KCND2: variants seen among roughly 807,000 people sequenced by gnomAD.
KCND2 encodes the protein potassium voltage-gated channel subfamily D member 2.
Under a neutral mutation model 54.4 loss-of-function variants are expected in KCND2, and 16 were observed. The observed-to-expected ratio is 0.29, with a 90% CI of 0.20 to 0.45. The LOEUF is 0.45. Among genes scored for constraint, KCND2 ranks in the 20% least tolerant of loss-of-function variants. The pLI, the probability that KCND2 is intolerant of heterozygous loss-of-function variation, is 1.00. For synonymous variants in KCND2, 317 were observed against 310.7 expected (o/e 1.02, Z -0.21); for missense variants, 486 against 824.2 (o/e 0.59, Z 5.02).
chr7:120,727,915 C>G (rs913350160), intron 1 of KCND2, among the ~76,000 whole-genome samples: 5 of 151,960 alleles, frequency 3.3e-5, no homozygotes, highest in African/African-American at 7.2e-5. Flanking sequence ...GACGGTGGAT[C>G]ACAAAGTCAG....
chr7:120,333,213 C>G (rs1370961363), intron 1 of KCND2, among the ~76,000 whole-genome samples: 5 of 152,038 alleles, frequency 3.3e-5, no homozygotes, highest in Non-Finnish European at 7.4e-5. Context: ...AAAGGGGGTT[C>G]AAGTTATTCC....
At chr7:120,673,211 T>G (rs141326930) in intron 1 of KCND2, among the ~76,000 whole-genome samples, 117 of 152,236 alleles carry the variant, frequency 7.7e-4, no homozygotes, top group African/African-American at 2.6e-3. Context: ...CAATTACTAT[T>G]GTTTAAACCA....
intron 1 of KCND2, among the ~76,000 whole-genome samples, chr7:120,511,544 TA>T: frequency 6.6e-6 from 1 of 152,260 alleles, no homozygotes; most frequent in Non-Finnish European, 1.5e-5. Flanking sequence ...TAATTGTTTT[TA>T]TTCTTTGGTG....
intron 1 of KCND2, among the ~76,000 whole-genome samples, chr7:120,717,331 CAGA>C (rs777957368): frequency 6.6e-6 from 1 of 152,080 alleles, no homozygotes; most frequent in Non-Finnish European, 1.5e-5. Flanking sequence ...ATACGCAGGA[CAGA>C]AGGTTAATTC....
chr7:120,741,397 T>G, intron 2 of KCND2, 137 bp from the exon 3 acceptor site: 1 of 685,284 alleles, frequency 1.5e-6, no homozygotes, highest in Non-Finnish European at 2.7e-6. Flanking sequence ...GAGAGGTAAT[T>G]TTCAATAGTT....
chr7:120,467,984 C>T (rs553748294), intron 1 of KCND2, among the ~76,000 whole-genome samples: 17 of 152,158 alleles, frequency 1.1e-4, no homozygotes, highest in African/African-American at 4.1e-4. Flanking sequence ...ACGAAGTTCA[C>T]TGTTAACATT....
intron 1 of KCND2, among the ~76,000 whole-genome samples, chr7:120,288,493 A>T (rs1799382214): frequency 6.6e-6 from 1 of 152,116 alleles, no homozygotes; most frequent in Non-Finnish European, 1.5e-5. Flanking sequence ...GGGGAGTTTT[A>T]TGTAAAAATC....
chr7:120,311,597 G>C (rs1014310971), intron 1 of KCND2, among the ~76,000 whole-genome samples: 3 of 152,028 alleles, frequency 2.0e-5, no homozygotes, highest in Admixed American at 2.0e-4. Flanking sequence ...TTAAGTTCAG[G>C]GGTACGTGTG....
chr7:120,537,046 A>G (rs369766309), intron 1 of KCND2, among the ~76,000 whole-genome samples: 1 of 152,202 alleles, frequency 6.6e-6, no homozygotes, highest in African/African-American at 2.4e-5. Context: ...TGATTTTGCC[A>G]GATTCATCAG....
chr7:120,568,097 A>T (rs1584831870), intron 1 of KCND2, among the ~76,000 whole-genome samples: 1 of 152,126 alleles, frequency 6.6e-6, no homozygotes, highest in Admixed American at 6.6e-5. Flanking sequence ...AAGAACACTT[A>T]AATAAGCCTT....
intron 1 of KCND2, among the ~76,000 whole-genome samples, chr7:120,281,880 A>G (rs1195026135): frequency 6.6e-6 from 1 of 152,168 alleles, no homozygotes; most frequent in East Asian, 1.9e-4. Flanking sequence ...GCTTTGTTCA[A>G]TGTTAAAAGT....
In KCND2 at chr7:120,593,782, C is replaced by G. The variant is rs1170718412; in HGVS notation, c.1116-139121C>G. On this transcript the variant is annotated intron_variant, in intron 1 of 5. Coordinates refer to ENST00000331113, the MANE Select transcript of KCND2 (RefSeq NM_012281.3). ...AGAGCAAAGGGTAGTTCTCTAATCC[C>G]TTACCCACTTCATTAGAAGGAAATC... 8.5e-5 allele frequency among the ~76,000 whole-genome samples: 13 copies of G among 152,056 alleles called. No individual in the cohort carries two copies. The East Asian group carries it at 2.5e-3, about 29-fold the overall frequency.
chr7:120,305,321 G>A (rs543475617), intron 1 of KCND2, among the ~76,000 whole-genome samples: 1 of 152,178 alleles, frequency 6.6e-6, no homozygotes, highest in Admixed American at 6.6e-5. Context: ...TGTGGGCCTA[G>A]CTATGTTGCT....
intron 1 of KCND2, among the ~76,000 whole-genome samples, chr7:120,591,625 T>C (rs1792672730): frequency 6.6e-6 from 1 of 152,218 alleles, no homozygotes; most frequent in Admixed American, 6.5e-5. Context: ...CTCAACCTTA[T>C]ACTTTTAACC....
chr7:120,321,343 A>G (rs989403788), intron 1 of KCND2, among the ~76,000 whole-genome samples: 2 of 151,982 alleles, frequency 1.3e-5, no homozygotes, highest in African/African-American at 4.8e-5. Context: ...TACATTGTTT[A>G]GGCATGTCTT....
intron 1 of KCND2, among the ~76,000 whole-genome samples, chr7:120,338,420 T>C (rs988949480): frequency 6.6e-6 from 1 of 152,088 alleles, no homozygotes; most frequent in Non-Finnish European, 1.5e-5. Context: ...AAGGGCTTTG[T>C]TTTTTATCTA....
chr7:120,379,078 T>C (rs1800878540), intron 1 of KCND2, among the ~76,000 whole-genome samples: 1 of 152,034 alleles, frequency 6.6e-6, no homozygotes, highest in Admixed American at 6.6e-5. Context: ...TAATATAAGT[T>C]TTCTTCAAAG....
At chr7:120,437,712 C>T (rs999070967) in intron 1 of KCND2, among the ~76,000 whole-genome samples, 5 of 152,102 alleles carry the variant, frequency 3.3e-5, no homozygotes, top group Admixed American at 2.6e-4. Flanking sequence ...TCACTTATTT[C>T]CATACTGGAT....
intron 1 of KCND2, among the ~76,000 whole-genome samples, chr7:120,527,129 T>C (rs1231063329): frequency 6.6e-6 from 1 of 152,144 alleles, no homozygotes; most frequent in African/African-American, 2.4e-5. Flanking sequence ...CATATATCGT[T>C]ACACAGTATA....
Sources: gnomAD v4.1 joint callset for allele counts (sites outside exome capture counted in the v4.1 genomes callset) on GRCh38, gnomAD v4.1.1 for gene constraint, MANE v1.5 for transcripts, NCBI Gene and HGNC (gene_info 2026-07-23, HGNC 2026-07-21) for gene names.